RGS7: variants seen among roughly 807,000 people sequenced by gnomAD.
The protein encoded by RGS7 is regulator of G-protein signaling 7.
In RGS7, 27 loss-of-function variants were observed where a neutral mutation model predicts 81.1. That is an observed-to-expected ratio of 0.33 (90% CI 0.25 to 0.46). RGS7 has a LOEUF of 0.46. Ranked by LOEUF, RGS7 falls within the 20% of genes least tolerant of loss-of-function variation. The pLI, the probability that RGS7 is intolerant of heterozygous loss-of-function variation, is 1.00. For missense variants in RGS7, 396 were observed against 607.4 expected, an observed-to-expected ratio of 0.65 and a Z score of 3.66; for synonymous variants, 208 against 207.7, an observed-to-expected ratio of 1.00 and a Z score of -0.01.
At chr1:241,143,822 G>A (rs1369857734) in intron 2 of RGS7, among the ~76,000 whole-genome samples, 1 of 152,182 alleles carries the variant, frequency 6.6e-6, no homozygotes, top group Non-Finnish European at 1.5e-5. Context: ...GAGTTGATTA[G>A]ATCATGAGGG....
chr1:241,154,066 T>G (rs2068942024), intron 2 of RGS7, among the ~76,000 whole-genome samples: 1 of 152,214 alleles, frequency 6.6e-6, no homozygotes, highest in Non-Finnish European at 1.5e-5. Flanking sequence ...GGACTCCTAG[T>G]GAAGGAGACA....
intron 9 of RGS7, among the ~76,000 whole-genome samples, chr1:240,836,585 G>T (rs1694772043): frequency 6.6e-6 from 1 of 152,158 alleles, no homozygotes. Flanking sequence ...AAAGAAGAGA[G>T]GAATCCAAAA....
At chr1:240,947,295 G>A (rs1014875923) in intron 4 of RGS7, among the ~76,000 whole-genome samples, 6 of 152,118 alleles carry the variant, frequency 3.9e-5, no homozygotes, top group Admixed American at 6.5e-5. Context: ...CTTAGAACAC[G>A]TATCTTCAGA....
At chr1:241,349,766 G>A (rs903900946) in intron 2 of RGS7, among the ~76,000 whole-genome samples, 2 of 152,218 alleles carry the variant, frequency 1.3e-5, no homozygotes, top group Non-Finnish European at 2.9e-5. Context: ...GAAGTGGAAA[G>A]CAAGGGCCAA....
intron 2 of RGS7, among the ~76,000 whole-genome samples, chr1:241,243,961 G>A (rs2076393043): frequency 6.6e-6 from 1 of 152,180 alleles, no homozygotes. Flanking sequence ...GTACACAGGT[G>A]TTAGAAGCTA....
intron 6 of RGS7, among the ~76,000 whole-genome samples, chr1:240,884,131 G>C (rs528887283): frequency 2.2e-4 from 32 of 147,694 alleles, no homozygotes; most frequent in African/African-American, 8.0e-4. Flanking sequence ...TTGAAGTGCT[G>C]TCTAGTGTTT....
chr1:240,830,326 A>T (rs1443805269), intron 9 of RGS7, among the ~76,000 whole-genome samples: 1 of 152,234 alleles, frequency 6.6e-6, no homozygotes, highest in Non-Finnish European at 1.5e-5. Context: ...CTGGAAGCAG[A>T]TGTCTGAAAC....
Position 241,205,389 on chromosome 1 carries a change from A to C in RGS7, c.79-106627T>G, listed in dbSNP as rs565084131. Among the ~76,000 whole-genome samples, 155 of 151,404 alleles carry C rather than the reference A, an allele frequency of 1.0e-3. 1 individual carries two copies. Among genetic ancestry groups the C allele is most frequent in the African/African-American group, 3.5e-3 (145 of 41,264 alleles). ...GCCACTGTAACCGACTGCATTTGTC[A>C]TCATTTTTTAACATCTTTCTTATTC... On this transcript the variant is annotated intron_variant, in intron 2 of 18. Transcript: ENST00000440928.
intron 10 of RGS7, among the ~76,000 whole-genome samples, chr1:240,825,445 A>C (rs1173807412): frequency 6.6e-6 from 1 of 152,230 alleles, no homozygotes; most frequent in Non-Finnish European, 1.5e-5. Flanking sequence ...CATTTATCAA[A>C]AGGTGAGAAA....
intron 3 of RGS7, among the ~76,000 whole-genome samples, chr1:241,062,166 A>G (rs900414782): frequency 6.6e-6 from 1 of 152,248 alleles, no homozygotes; most frequent in Non-Finnish European, 1.5e-5. Context: ...CTTCTCATGA[A>G]AAGCAACCAA....
chr1:240,811,361 C>T (rs77962274), intron 14 of RGS7, among the ~76,000 whole-genome samples: 9,150 of 152,276 alleles, frequency 0.06, 413 homozygotes, highest in Non-Finnish European at 0.092. Context: ...ATGATGTTTA[C>T]AACAGATGGG....
rs371628200 is a variant in RGS7 at position 240,889,510 on chromosome 1, A to G, written c.386-19391T>C. On this transcript the variant is annotated intron_variant, in intron 6 of 18. Coordinates refer to ENST00000440928, the MANE Select transcript of RGS7 (RefSeq NM_001364886.1). Reference sequence around the variant, plus strand: ...CTAGGGGCTCAGGTTCGCTATCGCAATGGAAACTCCTGGGAGCTGTGAGAG... The same window carrying G: ...CTAGGGGCTCAGGTTCGCTATCGCAGTGGAAACTCCTGGGAGCTGTGAGAG... Among the ~76,000 whole-genome samples the G allele has an allele frequency of 7.6e-4, 116 of 152,258 alleles. 1 individual carries two copies. The highest frequency in any genetic ancestry group is 2.6e-3 in the African/African-American group (110 of 41,542).
intron 2 of RGS7, among the ~76,000 whole-genome samples, chr1:241,202,332 G>A (rs2073582487): frequency 6.6e-6 from 1 of 152,138 alleles, no homozygotes; most frequent in African/African-American, 2.4e-5. Context: ...TAGGAAAATA[G>A]TTCTTTCTGT....
chr1:240,960,349 T>C (rs1292614216), intron 4 of RGS7, among the ~76,000 whole-genome samples: 2 of 148,620 alleles, frequency 1.3e-5, no homozygotes, highest in African/African-American at 2.5e-5. Flanking sequence ...GCTCAAGCCA[T>C]CCTCTCACCT....
At chr1:241,118,427 T>C (rs2066020209) in intron 2 of RGS7, among the ~76,000 whole-genome samples, 1 of 152,210 alleles carries the variant, frequency 6.6e-6, no homozygotes, top group South Asian at 2.1e-4. Flanking sequence ...TTTTAAAAAT[T>C]ATTGAGAATC....
At chr1:240,898,759 G>C (rs1304128801) in intron 6 of RGS7, among the ~76,000 whole-genome samples, 1 of 152,208 alleles carries the variant, frequency 6.6e-6, no homozygotes, top group Non-Finnish European at 1.5e-5. Context: ...TGTATATTCT[G>C]TTGATTTGGG....
At chr1:240,776,282 G>A (rs981937734) in intron 18 of RGS7, 69 bp from the exon 19 acceptor site, 6 of 1,127,006 alleles carry the variant, frequency 5.3e-6, no homozygotes, top group Admixed American at 1.7e-5. Flanking sequence ...CTGCTTAGTA[G>A]TAGCAACTAT....
chr1:241,182,578 T>C (rs980244249), intron 2 of RGS7, among the ~76,000 whole-genome samples: 1 of 152,084 alleles, frequency 6.6e-6, no homozygotes, highest in Admixed American at 6.5e-5. Flanking sequence ...AATTGAGTAT[T>C]CATCCCGTTC....
At chr1:240,786,832 C>G (rs2102992408) in intron 18 of RGS7, among the ~76,000 whole-genome samples, 1 of 152,102 alleles carries the variant, frequency 6.6e-6, no homozygotes, top group East Asian at 1.9e-4. Context: ...TGTCTTGATA[C>G]AGTTAAGAAA....
Sources: allele counts gnomAD v4.1 joint callset (sites outside exome capture counted in the v4.1 genomes callset), GRCh38; gene constraint gnomAD v4.1.1; transcripts MANE v1.5; gene names NCBI Gene and HGNC (gene_info 2026-07-23, HGNC 2026-07-21).